Variants in SHB observed in about 807,000 individuals in gnomAD.
SHB encodes SH2 domain containing adaptor protein B, also known as SH2 domain-containing adapter protein B.
A neutral mutation model predicts 52.3 loss-of-function variants in SHB; 20 were observed. The observed-to-expected ratio is 0.38, with a 90% confidence interval of 0.27 to 0.56. The LOEUF (loss-of-function observed/expected upper bound fraction) is 0.56. SHB is among the 20% of genes least tolerant of loss of function. SHB has a pLI of 0.71. For missense variants in SHB, 825 were observed against 723.3 expected (o/e 1.14, Z -1.61); for synonymous variants, 397 against 316.5 (o/e 1.25, Z -2.70).
Position 37,918,214 on chromosome 9 carries a change from A to G in SHB, c.*1607T>C, listed in dbSNP as rs1226384814. Among the ~76,000 whole-genome samples, 1 of 152,186 alleles carries G rather than the reference A, an allele frequency of 6.6e-6. No individual in the cohort carries two copies. Among genetic ancestry groups the G allele is most frequent in the Non-Finnish European group, 1.5e-5 (1 of 68,034 alleles). On this transcript the variant is annotated 3_prime_UTR_variant, in exon 6 of 6. Coordinates refer to ENST00000377707, the MANE Select transcript of SHB (RefSeq NM_003028.3). ...GCTGGTGCCTGGCGAAGGCTCTGGAACCCTTGTATCTCATTCAGGAGAGGG... is the reference window on the plus strand; with the variant it reads ...GCTGGTGCCTGGCGAAGGCTCTGGAGCCCTTGTATCTCATTCAGGAGAGGG...
At chr9:37,934,390 T>C (rs1031857106) in intron 5 of SHB, among the ~76,000 whole-genome samples, 1 of 152,238 alleles carries the variant, frequency 6.6e-6, no homozygotes, top group African/African-American at 2.4e-5. Context: ...CTCTAACTCC[T>C]GGGCTTAAGT....
chr9:38,025,901 G>C (rs7038167), intron 1 of SHB, among the ~76,000 whole-genome samples: 44,226 of 152,118 alleles, frequency 0.29, 6,614 homozygotes, highest in Middle Eastern at 0.4. Context: ...GCGGGTGACA[G>C]AACTAGACTC....
intron 4 of SHB, among the ~76,000 whole-genome samples, chr9:37,954,719 G>T (rs1365728756): frequency 6.6e-6 from 1 of 152,198 alleles, no homozygotes; most frequent in African/African-American, 2.4e-5. Flanking sequence ...CCAGTTATGA[G>T]ACACGGTTAG....
At chr9:37,985,698 C>T (rs374743884) in intron 2 of SHB, among the ~76,000 whole-genome samples, 2 of 152,212 alleles carry the variant, frequency 1.3e-5, no homozygotes, top group Admixed American at 6.5e-5. Flanking sequence ...TTTTCTTCCT[C>T]GAATACCCAC....
At chr9:38,062,576 A>G (rs1474938059) in intron 1 of SHB, among the ~76,000 whole-genome samples, 1 of 152,144 alleles carries the variant, frequency 6.6e-6, no homozygotes, top group East Asian at 1.9e-4. Flanking sequence ...CACGGAACAG[A>G]GCTGAATTGT....
At chr9:37,944,180 GT>G in intron 5 of SHB, among the ~76,000 whole-genome samples, 1 of 152,308 alleles carries the variant, frequency 6.6e-6, no homozygotes, top group South Asian at 2.1e-4. Context: ...CGATTCACAG[GT>G]AGGGGCCCCT....
chr9:38,013,208 T>C (rs1821164848), intron 2 of SHB, among the ~76,000 whole-genome samples: 2 of 152,218 alleles, frequency 1.3e-5, no homozygotes, highest in African/African-American at 4.8e-5. Flanking sequence ...CAGCATATGC[T>C]AGAATGCTTC....
At chr9:37,969,582 G>T (rs1455276875) in intron 3 of SHB, among the ~76,000 whole-genome samples, 1 of 152,138 alleles carries the variant, frequency 6.6e-6, no homozygotes, top group African/African-American at 2.4e-5. Context: ...TCCTCACACT[G>T]GTCCTTCAGA....
rs535924615 is a variant in SHB, at chr9:38,055,513, G to A, written c.717+12416C>T. ...TTAAAAAATTTGAGTGACCAAAATC[G>A]TGTGGCCCACACAGGCCACACCTTC... On this transcript the variant is annotated intron_variant, in intron 1 of 5. Transcript: ENST00000377707. 2.2e-4 allele frequency among the ~76,000 whole-genome samples: 33 copies of A among 152,150 alleles called. No homozygotes were observed. The South Asian group carries it at 5.4e-3, about 25-fold the overall frequency.
intron 1 of SHB, among the ~76,000 whole-genome samples, chr9:38,026,856 C>T (rs1014736429): frequency 3.3e-5 from 5 of 152,200 alleles, no homozygotes; most frequent in Non-Finnish European, 7.3e-5. Flanking sequence ...CCGATCACCT[C>T]GTGCCTCCAC....
At chr9:37,948,859 C>T (rs1380912459) in intron 4 of SHB, 105 bp from the exon 5 acceptor site, 11 of 1,433,312 alleles carry the variant, frequency 7.7e-6, no homozygotes, top group South Asian at 1.3e-5. Context: ...CCTGTACAAG[C>T]AGGCATGCAC....
chr9:38,050,878 T>C (rs989372002), intron 1 of SHB, among the ~76,000 whole-genome samples: 1 of 152,144 alleles, frequency 6.6e-6, no homozygotes, highest in Non-Finnish European at 1.5e-5. Flanking sequence ...GAGAGATTTC[T>C]AATTTGGGGG....
chr9:38,051,440 TA>T (rs59860349), intron 1 of SHB, among the ~76,000 whole-genome samples: 54,079 of 107,530 alleles, frequency 0.5, 12,433 homozygotes, highest in Middle Eastern at 0.58. Context: ...AGACTCCGTC[TA>T]AAAAAAAAAA....
intron 1 of SHB, among the ~76,000 whole-genome samples, chr9:38,065,889 A>G (rs1397145451): frequency 2.0e-5 from 3 of 152,068 alleles, no homozygotes; most frequent in Non-Finnish European, 4.4e-5. Context: ...TTCTCCAGCC[A>G]ACCATGGTGA....
chr9:37,979,683 G>A (rs1452353664), intron 2 of SHB, among the ~76,000 whole-genome samples: 1 of 151,792 alleles, frequency 6.6e-6, no homozygotes, highest in African/African-American at 2.4e-5. Context: ...AAAGTTGGGT[G>A]CAGTGGTTCA....
chr9:38,058,118 A>T (rs962093670), intron 1 of SHB, among the ~76,000 whole-genome samples: 23 of 152,354 alleles, frequency 1.5e-4, no homozygotes, highest in African/African-American at 5.1e-4. Context: ...GACTGCACAC[A>T]GCAGAGTTCC....
chr9:38,005,809 G>T (rs1821070397), intron 2 of SHB, among the ~76,000 whole-genome samples: 1 of 152,072 alleles, frequency 6.6e-6, no homozygotes, highest in Admixed American at 6.5e-5. Context: ...TGAAAGGCAG[G>T]AACTGTGGCC....
At chr9:37,921,381 TC>T (rs1832178854) in intron 5 of SHB, among the ~76,000 whole-genome samples, 1 of 152,198 alleles carries the variant, frequency 6.6e-6, no homozygotes, top group South Asian at 2.1e-4. Flanking sequence ...GGACTGGGCT[TC>T]CCAAGCTTAC....
intron 2 of SHB, among the ~76,000 whole-genome samples, chr9:37,992,694 G>A (rs149750294): frequency 1.6e-4 from 24 of 152,276 alleles, no homozygotes; most frequent in Admixed American, 3.3e-4. Context: ...GATTCTCACC[G>A]GTGGCCTGCC....
Sources: gnomAD v4.1 joint callset for allele counts (sites outside exome capture counted in the v4.1 genomes callset) on GRCh38, gnomAD v4.1.1 for gene constraint, MANE v1.5 for transcripts, NCBI Gene and HGNC (gene_info 2026-07-23, HGNC 2026-07-21) for gene names.